The following LUC7L variants were observed in gnomAD, a reference collection of about 807,000 sequenced individuals.
The protein encoded by LUC7L is putative RNA-binding protein Luc7-like 1.
LUC7L carries 29 observed loss-of-function variants against 51.1 expected under a neutral mutation model. The ratio of observed to expected loss-of-function variants is 0.57; its 90% CI spans 0.42 to 0.77. The LOEUF (loss-of-function observed/expected upper bound fraction) is 0.77, where lower values mean the gene tolerates loss of function less well. Among genes scored for constraint, LUC7L ranks in the 30% least tolerant of loss-of-function variants. LUC7L has a pLI of 0.00. For missense variants in LUC7L, 403 were observed against 511.9 expected (o/e 0.79, Z 2.05); for synonymous variants, 181 against 180.7 (o/e 1.00, Z -0.01).
At chr16:211,064 A>C (rs1346441134) in intron 3 of LUC7L, among the ~76,000 whole-genome samples, 1 of 141,332 alleles carries the variant, frequency 7.1e-6, no homozygotes, top group East Asian at 2.2e-4. Context: ...AAAAAAAAAA[A>C]AGAACACTAA....
chr16:220,558 T>C, intron 3 of LUC7L, 91 bp downstream of exon 3: 2 of 929,118 alleles, frequency 2.2e-6, no homozygotes, highest in South Asian at 1.4e-5. Flanking sequence ...CTTATTATTT[T>C]GCTTCATAAC....
At chr16:212,723 G>A (rs2049679460) in intron 3 of LUC7L, among the ~76,000 whole-genome samples, 1 of 151,810 alleles carries the variant, frequency 6.6e-6, no homozygotes, top group Non-Finnish European at 1.5e-5. Context: ...TTACACTTTT[G>A]GTGAATTACA....
At chr16:190,389 C>T in intron 8 of LUC7L, 152 bp downstream of exon 8, 1 of 861,210 alleles carries the variant, frequency 1.2e-6, no homozygotes, top group Non-Finnish European at 1.9e-6. Context: ...ACTGGGAACC[C>T]TCCACGGCAC....
intron 9 of LUC7L, 95 bp from the exon 10 acceptor site, chr16:189,434 A>G: frequency 6.8e-7 from 1 of 1,474,702 alleles, no homozygotes; most frequent in Non-Finnish European, 9.0e-7. Context: ...CAGGCCAGGC[A>G]AGGCCCTACA....
intron 3 of LUC7L, among the ~76,000 whole-genome samples, chr16:219,726 G>A (rs2049912352): frequency 6.6e-6 from 1 of 152,038 alleles, no homozygotes; most frequent in Admixed American, 6.6e-5. Flanking sequence ...TACAAAATCA[G>A]CCGGGCATGG....
At chr16:224,020 A>G (rs938071787) in intron 2 of LUC7L, among the ~76,000 whole-genome samples, 1 of 152,130 alleles carries the variant, frequency 6.6e-6, no homozygotes, top group African/African-American at 2.4e-5. Context: ...TTTAAAATAT[A>G]TAGTTTCCAC....
At position 189,071 on chromosome 16, in the gene LUC7L, T is replaced by G. The variant is rs1006963710; in HGVS notation, c.*127A>C. 1.8e-6 allele frequency: 2 copies of G among 1,098,164 alleles called. No individual in the cohort carries two copies. Among genetic ancestry groups the G allele is most frequent in the African/African-American group, 3.1e-5 (2 of 63,838 alleles). 68.0% of individuals were successfully genotyped at this position (1,098,164 alleles called of 1,614,324 possible). On this transcript the variant is annotated 3_prime_UTR_variant, in exon 10 of 10. Coordinates refer to ENST00000293872, the MANE Select transcript of LUC7L (RefSeq NM_201412.3). Reference sequence around the variant, plus strand: ...AGCAACTCTGTACACTTCTAGAAACTCACAGCTAGCTCCAAAACAATAGAA... The same window carrying G: ...AGCAACTCTGTACACTTCTAGAAACGCACAGCTAGCTCCAAAACAATAGAA...
At chr16:190,795 A>G (rs62032201) in intron 7 of LUC7L, 265 of 537,538 alleles carry the variant, frequency 4.9e-4, no homozygotes, top group Non-Finnish European at 7.8e-4. Flanking sequence ...CAGGAAAATC[A>G]CTTTAACCTA....
At chr16:224,745 G>C (rs925472097) in intron 2 of LUC7L, among the ~76,000 whole-genome samples, 3 of 151,654 alleles carry the variant, frequency 2.0e-5, no homozygotes, top group Non-Finnish European at 4.4e-5. Context: ...AGGCAGGAGA[G>C]TTGCTTGAAC....
In LUC7L at chr16:220,667, G is replaced by T; in HGVS notation, c.237C>A (p.Asp79Glu). The T allele has an allele frequency of 6.2e-7, 1 of 1,612,856 alleles. No individual in the cohort carries two copies. The highest frequency in any genetic ancestry group is 8.5e-7 in the Non-Finnish European group (1 of 1,179,062). ...ADYEIASKER[D>E]LFFELDAMDH... ...AACTTACATCTAATTCAAAAAACAG[G>T]TCTCTTTCTTTACTTGCAATCTCAT... Residue 79 changes from aspartate to glutamate, a missense_variant, in exon 3 of 10, where the codon GAC becomes GAA. Asp to Glu is a conservative substitution (Grantham distance 45, BLOSUM62 2). Around this residue, in one of 3 missense-constraint regions of LUC7L, gnomAD observed 182 missense variants for 248.4 expected, o/e 0.73. Transcript: ENST00000293872.
intron 3 of LUC7L, among the ~76,000 whole-genome samples, chr16:212,281 G>A (rs2049665871): frequency 6.6e-6 from 1 of 152,084 alleles, no homozygotes; most frequent in African/African-American, 2.4e-5. Flanking sequence ...CAACAAGAGC[G>A]AAACTCCATC....
At chr16:189,865 G>T (rs1385335568) in intron 9 of LUC7L, 103 bp downstream of exon 9, 3 of 1,506,594 alleles carry the variant, frequency 2.0e-6, no homozygotes, top group South Asian at 2.6e-5. Context: ...TCCTGAGGGT[G>T]AGCCCAGCCC....
chr16:228,591 A>T, intron 1 of LUC7L: 1 of 1,191,654 alleles, frequency 8.4e-7, no homozygotes, highest in Non-Finnish European at 1.1e-6. Flanking sequence ...ATTACTCAGC[A>T]GAAAAGAAAA....
chr16:189,038 A>G lies in LUC7L; in HGVS notation c.*160T>C, dbSNP rs2048938462. ...TTATTCCTACTCAACATGACCCGGG[A>G]ACACAGGAGCAACTCTGTACACTTC... On this transcript the variant is annotated 3_prime_UTR_variant, in exon 10 of 10. Transcript: ENST00000293872. 1 of 770,038 alleles carries G rather than the reference A, an allele frequency of 1.3e-6. No individual in the cohort carries two copies. Among genetic ancestry groups the G allele is most frequent in the Non-Finnish European group, 2.1e-6 (1 of 482,360 alleles). The allele number at this position is 770,038 out of a possible 1,614,324, so 47.7% of individuals were successfully genotyped here. A position where few individuals can be genotyped will look rare whatever the true frequency, so the allele number is the denominator to read the frequency against.
chr16:221,556 G>A, intron 2 of LUC7L, among the ~76,000 whole-genome samples: 1 of 152,012 alleles, frequency 6.6e-6, no homozygotes, highest in Non-Finnish European at 1.5e-5. Context: ...ACAAAAATTA[G>A]CCAGGTGTGG....
intron 3 of LUC7L, among the ~76,000 whole-genome samples, chr16:217,056 A>G (rs2049823380): frequency 1.3e-5 from 2 of 152,022 alleles, no homozygotes; most frequent in South Asian, 2.1e-4. Flanking sequence ...TCTGTCACCC[A>G]AGTAGAATAA....
At chr16:211,358 T>C (rs2049634208) in intron 3 of LUC7L, among the ~76,000 whole-genome samples, 1 of 151,762 alleles carries the variant, frequency 6.6e-6, no homozygotes, top group Non-Finnish European at 1.5e-5. Flanking sequence ...CAAGGGAGGC[T>C]GAGGCAGGAG....
At position 222,725 on chromosome 16, in the gene LUC7L, G is replaced by C. The variant is rs542440568; in HGVS notation, c.157-1978C>G. ...GGCTCACCGCAACCTCCGCCTCCCAGGTTCAAGCGATTCTCCTGCCTCAGC... is the reference window on the plus strand; with the variant it reads ...GGCTCACCGCAACCTCCGCCTCCCACGTTCAAGCGATTCTCCTGCCTCAGC... On this transcript the variant is annotated intron_variant, in intron 2 of 9. Coordinates refer to ENST00000293872, the MANE Select transcript of LUC7L (RefSeq NM_201412.3). Among the ~76,000 whole-genome samples, 4 of 151,192 alleles carry C rather than the reference G, an allele frequency of 2.6e-5. No homozygotes were observed. In the South Asian group the frequency reaches 6.3e-4, roughly 24 times the overall value.
intron 2 of LUC7L, among the ~76,000 whole-genome samples, chr16:223,130 C>T (rs1275798745): frequency 8.0e-5 from 12 of 150,900 alleles, no homozygotes; most frequent in Non-Finnish European, 3.0e-5. Context: ...GAGGCCGAGG[C>T]GGGCGGATCA....
Sources: gnomAD v4.1 joint callset for allele counts (sites outside exome capture counted in the v4.1 genomes callset) on GRCh38, gnomAD v4.1.1 for gene constraint, gnomAD v4.1.1 regional missense constraint, MANE v1.5 for transcripts, NCBI Gene and HGNC (gene_info 2026-07-23, HGNC 2026-07-21) for gene names.